The following CTNNA2 variants were observed in gnomAD, a reference collection of about 807,000 sequenced individuals.
CTNNA2 encodes the protein catenin alpha-2.
CTNNA2 carries 42 observed loss-of-function variants against 101.0 expected under a neutral mutation model. The ratio of observed to expected loss-of-function variants is 0.42; its 90% CI spans 0.32 to 0.54. The LOEUF (loss-of-function observed/expected upper bound fraction) is 0.54, where lower values mean the gene tolerates loss of function less well. CTNNA2 is among the 20% of genes least tolerant of loss of function. CTNNA2 has a pLI of 0.14. For missense variants in CTNNA2, 871 were observed against 1,223.1 expected (o/e 0.71, Z 4.29); for synonymous variants, 450 against 456.4 (o/e 0.99, Z 0.18).
intron 7 of CTNNA2, among the ~76,000 whole-genome samples, chr2:80,016,701 G>T (rs1214463924): frequency 3.9e-5 from 6 of 152,096 alleles, no homozygotes; most frequent in Non-Finnish European, 7.4e-5. Context: ...GTATTTACCA[G>T]GAACATTTTT....
intron 7 of CTNNA2, among the ~76,000 whole-genome samples, chr2:80,214,394 A>G (rs371879125): frequency 6.6e-6 from 1 of 152,098 alleles, no homozygotes; most frequent in Non-Finnish European, 1.5e-5. Flanking sequence ...AGGAGCTCTT[A>G]TAAGGCAGGC....
At chr2:80,425,763 A>G (rs1680935750) in intron 9 of CTNNA2, among the ~76,000 whole-genome samples, 1 of 152,134 alleles carries the variant, frequency 6.6e-6, no homozygotes, top group Non-Finnish European at 1.5e-5. Flanking sequence ...ATTCATAAAA[A>G]TAGAGTCTAT....
rs375788142 is a variant in CTNNA2 at position 79,315,710 on chromosome 2, A to G, written c.-318+2914A>G. On this transcript the variant is annotated intron_variant, in intron 3 of 21. Coordinates refer to the CTNNA2 transcript ENST00000466387. ...TTTTGCTACTATGGATAGTGCTACTATGAATATCCACGCACAAGTTTTTGT... is the reference window on the plus strand; with the variant it reads ...TTTTGCTACTATGGATAGTGCTACTGTGAATATCCACGCACAAGTTTTTGT... Among the ~76,000 whole-genome samples, 11 of 152,254 alleles carry G rather than the reference A, an allele frequency of 7.2e-5. No homozygotes were observed. In the East Asian group the frequency reaches 2.1e-3, roughly 29 times the overall value.
At chr2:79,706,828 A>G (rs530621240) in intron 2 of CTNNA2, among the ~76,000 whole-genome samples, 10 of 152,236 alleles carry the variant, frequency 6.6e-5, no homozygotes, top group African/African-American at 2.2e-4. Context: ...GGAGCTGTGT[A>G]CTTTCTTTCT....
At chr2:79,374,472 G>A (rs556808186) in intron 4 of CTNNA2, among the ~76,000 whole-genome samples, 19 of 151,748 alleles carry the variant, frequency 1.3e-4, no homozygotes, top group Non-Finnish European at 2.2e-4. Context: ...AGGGGAGAAG[G>A]GTTTCTCAGT....
At chr2:79,936,621 C>A (rs1574355896) in intron 7 of CTNNA2, among the ~76,000 whole-genome samples, 1 of 151,940 alleles carries the variant, frequency 6.6e-6, no homozygotes, top group East Asian at 1.9e-4. Context: ...AAGGAAGCTT[C>A]TTTCTTTTGG....
At chr2:80,034,802 C>T (rs967355629) in intron 7 of CTNNA2, among the ~76,000 whole-genome samples, 29 of 152,114 alleles carry the variant, frequency 1.9e-4, no homozygotes, top group African/African-American at 5.3e-4. Flanking sequence ...TGGACATTCT[C>T]ATAGAATGCA....
intron 2 of CTNNA2, among the ~76,000 whole-genome samples, chr2:79,677,706 C>T (rs1298530648): frequency 6.6e-6 from 1 of 152,168 alleles, no homozygotes; most frequent in African/African-American, 2.4e-5. Flanking sequence ...CTCAACCTTC[C>T]ACCCCCTATA....
rs1160171967 is a variant in CTNNA2 at position 79,523,847 on chromosome 2, CAT to C, written c.-6+10641_-6+10642del. Among the ~76,000 whole-genome samples, 4 of 152,068 alleles carry C rather than the reference CAT, an allele frequency of 2.6e-5. No homozygotes were observed. The East Asian group carries it at 7.7e-4, about 29-fold the overall frequency. On this transcript the variant is annotated intron_variant, in intron 1 of 18. Transcript: ENST00000402739. ...CCCAGATTTCTAGAGGTTATCTTTTCATTTGCTTTCTGTCTAATGGCCTAATG... is the reference window on the plus strand; with the variant it reads ...CCCAGATTTCTAGAGGTTATCTTTTCTTGCTTTCTGTCTAATGGCCTAATG...
At chr2:79,190,243 C>T (rs1019655013) in intron 1 of CTNNA2, among the ~76,000 whole-genome samples, 4 of 151,898 alleles carry the variant, frequency 2.6e-5, no homozygotes, top group Admixed American at 1.3e-4. Context: ...CTTCTGCTTG[C>T]TCTATCTGTA....
intron 3 of CTNNA2, among the ~76,000 whole-genome samples, chr2:79,842,491 C>T (rs2103850947): frequency 6.6e-6 from 1 of 152,258 alleles, no homozygotes; most frequent in East Asian, 1.9e-4. Context: ...GCTTCTAAGT[C>T]ATCATTGTTA....
At chr2:80,584,023 TG>T (rs1695760281) in intron 14 of CTNNA2, among the ~76,000 whole-genome samples, 1 of 152,166 alleles carries the variant, frequency 6.6e-6, no homozygotes, top group African/African-American at 2.4e-5. Flanking sequence ...TATTTTAGCC[TG>T]TAATTATATG....
intron 1 of CTNNA2, chr2:79,197,831 T>G (rs1673982705): frequency 6.6e-6 from 1 of 152,310 alleles, no homozygotes; most frequent in Non-Finnish European, 1.5e-5. Flanking sequence ...TGGAGTGTAG[T>G]GGTGCAACCT....
intron 7 of CTNNA2, among the ~76,000 whole-genome samples, chr2:79,991,249 G>A (rs930395415): frequency 6.6e-6 from 1 of 152,098 alleles, no homozygotes; most frequent in Non-Finnish European, 1.5e-5. Context: ...TGAAGATGGA[G>A]ACTAGTACTT....
chr2:79,984,034 G>A lies in CTNNA2; in HGVS notation c.1056+74237G>A, dbSNP rs117990678. Among the ~76,000 whole-genome samples, 23 of 152,140 alleles carry A rather than the reference G, an allele frequency of 1.5e-4. No homozygotes were observed. The East Asian group carries it at 3.5e-3, about 23-fold the overall frequency. On this transcript the variant is annotated intron_variant, in intron 7 of 18. Coordinates refer to ENST00000402739, the MANE Select transcript of CTNNA2 (RefSeq NM_001282597.3). ...TAAAGCCTCATTACTCCAAAACCTC[G>A]GTTTCTACTCAAGCTGTGCCGAAGA... is the stretch of plus-strand genomic sequence containing the variant.
intron 7 of CTNNA2, among the ~76,000 whole-genome samples, chr2:80,272,450 T>G (rs1673572048): frequency 6.6e-6 from 1 of 152,240 alleles, no homozygotes; most frequent in Non-Finnish European, 1.5e-5. Flanking sequence ...TCTATGTTTA[T>G]TTCCTCTAAG....
Position 79,543,488 on chromosome 2 carries a change from TA to T in CTNNA2, c.-6+30285del, listed in dbSNP as rs561160279. Among the ~76,000 whole-genome samples, 62 of 152,320 alleles carry T rather than the reference TA, an allele frequency of 4.1e-4. 1 individual carries two copies. The South Asian group carries it at 5.4e-3, about 13-fold the overall frequency. ...ATAGACAGCTGTAGCTTGCTGGTTA[TA>T]AAAGCAGCAGTTAGAAATACATTTT... is the stretch of plus-strand genomic sequence containing the variant. On this transcript the variant is annotated intron_variant, in intron 1 of 18. Coordinates refer to ENST00000402739, the MANE Select transcript of CTNNA2 (RefSeq NM_001282597.3).
intron 8 of CTNNA2, among the ~76,000 whole-genome samples, chr2:80,406,813 C>T (rs1428676456): frequency 8.1e-4 from 101 of 124,806 alleles, no homozygotes; most frequent in Middle Eastern, 5.2e-3. Flanking sequence ...GGCGACAGAG[C>T]GAGACTCCAT....
chr2:80,246,536 G>T (rs541111507), intron 7 of CTNNA2, among the ~76,000 whole-genome samples: 1 of 152,266 alleles, frequency 6.6e-6, no homozygotes, highest in African/African-American at 2.4e-5. Context: ...TCACTACAAA[G>T]GCCAAGTATG....
Sources: gnomAD v4.1 joint callset for allele counts (sites outside exome capture counted in the v4.1 genomes callset) on GRCh38, gnomAD v4.1.1 for gene constraint, MANE v1.5 for transcripts, NCBI Gene and HGNC (gene_info 2026-07-23, HGNC 2026-07-21) for gene names.